Variants in EFTUD2 observed in about 807,000 individuals in gnomAD.
The protein encoded by EFTUD2 is 116 kDa U5 small nuclear ribonucleoprotein component.
Under a neutral mutation model 114.3 loss-of-function variants are expected in EFTUD2, and 9 were observed. That is an observed-to-expected ratio of 0.08 (90% CI 0.05 to 0.14). The LOEUF (loss-of-function observed/expected upper bound fraction) is 0.14, where lower values mean the gene tolerates loss of function less well. EFTUD2 is among the 10% of genes least tolerant of loss of function. The probability of loss-of-function intolerance (pLI) is 1.00; values close to 1 mark genes in which losing one functional copy is unlikely to be tolerated. For missense variants in EFTUD2, 765 were observed against 1,241.2 expected (o/e 0.62, Z 5.76); for synonymous variants, 449 against 462.3 (o/e 0.97, Z 0.37).
chr17:44,876,769 C>G (rs1191489220), intron 9 of EFTUD2, among the ~76,000 whole-genome samples: 2 of 142,558 alleles, frequency 1.4e-5, no homozygotes, highest in East Asian at 4.4e-4. Context: ...AGGAGAATGG[C>G]GTGAACCCGG....
Position 44,854,253 on chromosome 17 carries a change from G to A in EFTUD2, c.2347+16C>T, listed in dbSNP as rs778428613. 6.2e-7 allele frequency: 1 copy of A among 1,608,000 alleles called. No homozygotes were observed. Among genetic ancestry groups the A allele is most frequent in the Non-Finnish European group, 8.5e-7 (1 of 1,176,688 alleles). ...GACCCTCGAGGACTGGGGTGGGGGA[G>A]TGCTGGTGGACTTACATTCATCACA... is the stretch of plus-strand genomic sequence containing the variant. On this transcript the variant is annotated intron_variant, in intron 23 of 27. Transcript: ENST00000426333. This position sits in a 1 kb window ranked among gnomAD's most constrained non-coding sequence, Gnocchi z 4.3.
At chr17:44,865,361 A>C in intron 13 of EFTUD2, 1 of 294,016 alleles carries the variant, frequency 3.4e-6, no homozygotes, top group Non-Finnish European at 6.3e-6. Flanking sequence ...ATCTCCTCCC[A>C]CTCAGAAACT....
intron 13 of EFTUD2, 148 bp from the exon 14 acceptor site, chr17:44,865,213 T>A (rs2050723728): frequency 2.4e-6 from 3 of 1,236,264 alleles, no homozygotes; most frequent in Non-Finnish European, 3.3e-6. Flanking sequence ...GGACAAAAGT[T>A]TGGTTTCAGC....
chr17:44,854,459 A>G lies in EFTUD2; in HGVS notation c.2259+97T>C, dbSNP rs2050511037. ...CTGTAAGGGGATACTGTCCTTCACC[A>G]GAGGACACAAGATACTTTTGGGAAA... On this transcript the variant is annotated intron_variant, in intron 22 of 27. Coordinates refer to ENST00000426333, the MANE Select transcript of EFTUD2 (RefSeq NM_004247.4). This position sits in a 1 kb window ranked among gnomAD's most constrained non-coding sequence, Gnocchi z 4.3. 1 of 1,564,636 alleles carries G rather than the reference A, an allele frequency of 6.4e-7. No individual in the cohort carries two copies. Among genetic ancestry groups the G allele is most frequent in the East Asian group, 2.3e-5 (1 of 44,444 alleles).
chr17:44,868,473 G>C, intron 11 of EFTUD2, 123 bp from the exon 12 acceptor site: 1 of 858,450 alleles, frequency 1.2e-6, no homozygotes, highest in Non-Finnish European at 1.8e-6. Flanking sequence ...GGTCCAGGCA[G>C]TTCCTTCTAA....
chr17:44,867,297 A>ATTTTTTT (rs3058538), intron 13 of EFTUD2, among the ~76,000 whole-genome samples: 1 of 121,324 alleles, frequency 8.2e-6, no homozygotes, highest in African/African-American at 3.2e-5. Context: ...CTTTCCTTTG[A>ATTTTTTT]TTTTTTTTTT....
chr17:44,870,874 T>C (rs535564672), intron 11 of EFTUD2, among the ~76,000 whole-genome samples: 2 of 151,934 alleles, frequency 1.3e-5, no homozygotes, highest in East Asian at 2.0e-4. Context: ...AAAAATTAGC[T>C]GGGCATGGTG....
chr17:44,895,566 C>G (rs1597833345), intron 1 of EFTUD2, among the ~76,000 whole-genome samples: 1 of 151,916 alleles, frequency 6.6e-6, no homozygotes. Context: ...TTTACAGTTG[C>G]CTTCACACTG....
At chr17:44,895,094 A>T (rs1269383888) in intron 1 of EFTUD2, among the ~76,000 whole-genome samples, 1 of 152,244 alleles carries the variant, frequency 6.6e-6, no homozygotes, top group Admixed American at 6.5e-5. Flanking sequence ...CAAGCTAAGA[A>T]TGCTTTTTCA....
At chr17:44,858,172 T>C (rs2050591755) in intron 19 of EFTUD2, among the ~76,000 whole-genome samples, 1 of 152,164 alleles carries the variant, frequency 6.6e-6, no homozygotes, top group African/African-American at 2.4e-5. Flanking sequence ...TCCAACCGCC[T>C]TGGACTTTCA....
In EFTUD2 at chr17:44,854,491, C is replaced by T; in HGVS notation, c.2259+65G>A. On this transcript the variant is annotated intron_variant, in intron 22 of 27. Coordinates refer to ENST00000426333, the MANE Select transcript of EFTUD2 (RefSeq NM_004247.4). This position sits in a 1 kb window ranked among gnomAD's most constrained non-coding sequence, Gnocchi z 4.3. ...ACAAGATACTTTTGGGAAAAGAACACTTTGTAGTTTCTTCCACTCCAGAGG... is the reference window on the plus strand; with the variant it reads ...ACAAGATACTTTTGGGAAAAGAACATTTTGTAGTTTCTTCCACTCCAGAGG... The T allele has an allele frequency of 6.3e-7, 1 of 1,586,740 alleles. No homozygotes were observed. Among genetic ancestry groups the T allele is most frequent in the Non-Finnish European group, 8.6e-7 (1 of 1,164,556 alleles).
intron 3 of EFTUD2, among the ~76,000 whole-genome samples, chr17:44,885,822 T>C (rs1046065725): frequency 3.3e-5 from 5 of 150,940 alleles, no homozygotes; most frequent in Non-Finnish European, 5.9e-5. Context: ...AGAGATGGGG[T>C]TTCACCATGT....
chr17:44,870,678 G>T (rs760243869), intron 11 of EFTUD2, among the ~76,000 whole-genome samples: 1 of 152,024 alleles, frequency 6.6e-6, no homozygotes, highest in Non-Finnish European at 1.5e-5. Flanking sequence ...TTTTTCTCAT[G>T]ATTTTCTTTG....
chr17:44,875,412 C>A (rs1321562769), intron 10 of EFTUD2, among the ~76,000 whole-genome samples: 4 of 151,980 alleles, frequency 2.6e-5, no homozygotes, highest in African/African-American at 9.7e-5. Context: ...TGCCTGTAGT[C>A]CCGGCTACTT....
At chr17:44,878,662 A>G (rs1048121165) in intron 9 of EFTUD2, among the ~76,000 whole-genome samples, 2 of 152,038 alleles carry the variant, frequency 1.3e-5, no homozygotes, top group African/African-American at 4.8e-5. Flanking sequence ...TCAAGGGGAA[A>G]ATGTACACAC....
chr17:44,882,930 A>C (rs556978856), intron 6 of EFTUD2, among the ~76,000 whole-genome samples, 163 bp downstream of exon 6: 1 of 152,338 alleles, frequency 6.6e-6, no homozygotes, highest in East Asian at 1.9e-4. Context: ...GAGAAAGTTG[A>C]AATTATTTTC....
At chr17:44,860,637 T>C (rs1187025930) in intron 16 of EFTUD2, 94 bp from the exon 17 acceptor site, 2 of 790,742 alleles carry the variant, frequency 2.5e-6, no homozygotes, top group South Asian at 1.7e-5. Context: ...TCTCACTTTG[T>C]TACCAGGCTG....
chr17:44,886,873 T>G, intron 2 of EFTUD2, 123 bp from the exon 3 acceptor site: 1 of 1,463,104 alleles, frequency 6.8e-7, no homozygotes, highest in African/African-American at 1.4e-5. Flanking sequence ...CTGAGTTCTA[T>G]GCCAGTGGGG....
chr17:44,863,081 G>C, intron 15 of EFTUD2, 175 bp from the exon 16 acceptor site: 2 of 482,936 alleles, frequency 4.1e-6, no homozygotes, highest in South Asian at 5.5e-5. Flanking sequence ...ATGAATAGGA[G>C]ACATGGCAGA....
Sources: allele counts gnomAD v4.1 joint callset (sites outside exome capture counted in the v4.1 genomes callset), GRCh38; gene constraint gnomAD v4.1.1; non-coding constraint Gnocchi (gnomAD v3.1); transcripts MANE v1.5; gene names NCBI Gene and HGNC (gene_info 2026-07-23, HGNC 2026-07-21).